The following GRIK1 variants were observed in gnomAD, a reference collection of about 807,000 sequenced individuals.
The protein encoded by GRIK1 is glutamate receptor ionotropic, kainate 1.
In GRIK1, 69 loss-of-function variants were observed where a neutral mutation model predicts 105.7. The ratio of observed to expected loss-of-function variants is 0.65; its 90% CI spans 0.54 to 0.80. GRIK1 has a LOEUF of 0.80. Among genes scored for constraint, GRIK1 ranks in the 30% least tolerant of loss-of-function variants. GRIK1 has a pLI of 0.00. For missense variants in GRIK1, 1,109 were observed against 1,167.3 expected (o/e 0.95, Z 0.73); for synonymous variants, 438 against 431.3 (o/e 1.02, Z -0.19).
At chr21:29,738,690 A>T (rs1027433382) in intron 1 of GRIK1, among the ~76,000 whole-genome samples, 1 of 152,220 alleles carries the variant, frequency 6.6e-6, no homozygotes, top group African/African-American at 2.4e-5. Flanking sequence ...GAATTCACAG[A>T]CTGTACAAGG....
At position 29,871,760 on chromosome 21, in the gene GRIK1, AT is replaced by A. The variant is rs35513177; in HGVS notation, c.118+67622del. Among the ~76,000 whole-genome samples, 1,208 of 121,130 alleles carry A rather than the reference AT, an allele frequency of 1.0e-2. 14 individuals are homozygous for A. The highest frequency in any genetic ancestry group is 0.025 in the African/African-American group (824 of 32,424). The allele number at this position is 121,130 out of a possible 152,430, so 79.5% of individuals were successfully genotyped here. On this transcript the variant is annotated intron_variant, in intron 1 of 17. Transcript: ENST00000327783. ...CTACTACCAAAAGCCAATCTTTTTA[AT>A]TTTTTTTTTTTTTTTTTTTTGAGAC...
intron 7 of GRIK1, among the ~76,000 whole-genome samples, chr21:29,619,768 G>A (rs1346281300): frequency 6.6e-6 from 1 of 152,216 alleles, no homozygotes; most frequent in African/African-American, 2.4e-5. Flanking sequence ...CATGATGGTA[G>A]AACAGAAGCA....
intron 1 of GRIK1, among the ~76,000 whole-genome samples, chr21:29,910,575 T>A (rs533716543): frequency 1.3e-5 from 2 of 152,136 alleles, no homozygotes; most frequent in Admixed American, 6.6e-5. Context: ...CAATTGGGAT[T>A]ATAGGAAATT....
intron 1 of GRIK1, among the ~76,000 whole-genome samples, chr21:29,752,785 T>G (rs771018635): frequency 1.3e-5 from 2 of 152,168 alleles, no homozygotes; most frequent in African/African-American, 4.8e-5. Flanking sequence ...TACAGTGAAC[T>G]AGGATCGTGC....
chr21:29,867,904 A>AG lies in GRIK1; in HGVS notation c.118+71478_118+71479insC, dbSNP rs1569174422. On this transcript the variant is annotated intron_variant, in intron 1 of 17. Coordinates refer to ENST00000327783, the MANE Select transcript of GRIK1 (RefSeq NM_001330994.2). The stretch of plus-strand genomic sequence containing the variant: ...AGAGAGAAAGAGAGAGAGAGAGAGA[A>AG]AGAAAGAGAGAGAAAGAGAGAAAGA... Among the ~76,000 whole-genome samples, 101 of 57,376 alleles carry AG rather than the reference A, an allele frequency of 1.8e-3. 2 individuals carry two copies. The highest frequency in any genetic ancestry group is 4.6e-3 in the African/African-American group (72 of 15,788). 37.6% of individuals were successfully genotyped at this position (57,376 alleles called of 152,430 possible). A position where few individuals can be genotyped will look rare whatever the true frequency, so the allele number is the denominator to read the frequency against.
chr21:29,855,672 A>G (rs1434059250), intron 1 of GRIK1, among the ~76,000 whole-genome samples: 1 of 152,218 alleles, frequency 6.6e-6, no homozygotes, highest in Non-Finnish European at 1.5e-5. Flanking sequence ...GATTAGGGAT[A>G]GGGGTTGAGA....
intron 1 of GRIK1, among the ~76,000 whole-genome samples, chr21:29,856,498 C>A (rs1376073484): frequency 6.6e-6 from 1 of 152,154 alleles, no homozygotes; most frequent in African/African-American, 2.4e-5. Context: ...AAGCCACACA[C>A]AAAATCAGGC....
rs34152198 is a variant in GRIK1 at position 29,859,402 on chromosome 21, CA to C, written c.118+79980del. Among the ~76,000 whole-genome samples the C allele has an allele frequency of 1.6e-3, 234 of 149,686 alleles. 1 individual carries two copies. The highest frequency in any genetic ancestry group is 2.2e-3 in the Non-Finnish European group (148 of 67,324). On this transcript the variant is annotated intron_variant, in intron 1 of 17. Transcript: ENST00000327783. ...TATAAAATAAAATGAAATAAAAAAA[CA>C]AAAAAAAATAAATTGTAAGAAGGCT...
intron 4 of GRIK1, 43 bp from the exon 5 acceptor site, chr21:29,654,906 T>C (rs1454307446): frequency 1.8e-6 from 2 of 1,135,728 alleles, no homozygotes; most frequent in African/African-American, 3.0e-5. Context: ...AACAGAATTA[T>C]AATAAGAATG....
chr21:29,754,777 G>A (rs912125172), intron 1 of GRIK1, among the ~76,000 whole-genome samples: 1 of 152,194 alleles, frequency 6.6e-6, no homozygotes, highest in Non-Finnish European at 1.5e-5. Flanking sequence ...TTGAAAGGAT[G>A]TAAAGGTAGA....
At chr21:29,563,628 G>T (rs1402110761) in intron 14 of GRIK1, among the ~76,000 whole-genome samples, 1 of 152,182 alleles carries the variant, frequency 6.6e-6, no homozygotes, top group African/African-American at 2.4e-5. Context: ...TAAACTTATA[G>T]TAAAAGAGCT....
At chr21:29,666,536 C>T (rs753063996) in intron 4 of GRIK1, among the ~76,000 whole-genome samples, 15 of 152,072 alleles carry the variant, frequency 9.9e-5, no homozygotes, top group Non-Finnish European at 1.9e-4. Flanking sequence ...TTGCCTTAAT[C>T]GGGCAGAGAT....
At chr21:29,867,009 G>T (rs191932754) in intron 1 of GRIK1, among the ~76,000 whole-genome samples, 1 of 152,262 alleles carries the variant, frequency 6.6e-6, no homozygotes, top group African/African-American at 2.4e-5. Context: ...CAATAGATTT[G>T]TATTCTGTCC....
chr21:29,601,084 T>C, intron 7 of GRIK1: 1 of 289,950 alleles, frequency 3.4e-6, no homozygotes, highest in South Asian at 3.5e-5. Context: ...GTGAGGGTGT[T>C]TCCAAAAAAG....
intron 1 of GRIK1, among the ~76,000 whole-genome samples, chr21:29,738,024 C>A (rs756209174): frequency 1.3e-5 from 2 of 152,176 alleles, no homozygotes; most frequent in Non-Finnish European, 2.9e-5. Flanking sequence ...CCCACACTAC[C>A]AGAGTGGATT....
chr21:29,587,316 A>G lies in GRIK1; in HGVS notation c.1793+50T>C. On this transcript the variant is annotated intron_variant, in intron 12 of 17. Coordinates refer to ENST00000327783, the MANE Select transcript of GRIK1 (RefSeq NM_001330994.2). ...TTGTCTGCCTCTGGGACATACAGAA[A>G]TCTGAGACTGACCTACACCTCTTGT... 2.5e-6 allele frequency: 3 copies of G among 1,203,568 alleles called. 1 individual carries two copies. Among genetic ancestry groups the G allele is most frequent in the South Asian group, 2.5e-5 (2 of 80,584 alleles). 74.6% of individuals were successfully genotyped at this position (1,203,568 alleles called of 1,614,324 possible).
chr21:29,548,849 G>C (rs1237374599), intron 16 of GRIK1, among the ~76,000 whole-genome samples: 2 of 152,190 alleles, frequency 1.3e-5, no homozygotes, highest in East Asian at 3.9e-4. Flanking sequence ...TCCTTAAATA[G>C]CTCCAATTTT....
intron 1 of GRIK1, among the ~76,000 whole-genome samples, chr21:29,724,326 G>A (rs1049389634): frequency 3.4e-5 from 5 of 149,062 alleles, no homozygotes; most frequent in African/African-American, 1.2e-4. Flanking sequence ...TGTTGTAGGC[G>A]AGAGTTAGGT....
chr21:29,913,720 C>T (rs962148698), intron 1 of GRIK1, among the ~76,000 whole-genome samples: 14 of 150,924 alleles, frequency 9.3e-5, no homozygotes, highest in African/African-American at 2.2e-4. Context: ...TAGAATTGCC[C>T]TGACTTTCAA....
Sources: gnomAD v4.1 joint callset for allele counts (sites outside exome capture counted in the v4.1 genomes callset) on GRCh38, gnomAD v4.1.1 for gene constraint, MANE v1.5 for transcripts, NCBI Gene and HGNC (gene_info 2026-07-23, HGNC 2026-07-21) for gene names.